Variants in CNTNAP5 observed in about 807,000 individuals in gnomAD.
CNTNAP5 encodes the protein contactin-associated protein-like 5.
Under a neutral mutation model 150.2 loss-of-function variants are expected in CNTNAP5, and 72 were observed. The ratio of observed to expected loss-of-function variants is 0.48; its 90% CI spans 0.40 to 0.58. CNTNAP5 has a LOEUF of 0.58. Ranked by LOEUF, CNTNAP5 falls within the 20% of genes least tolerant of loss-of-function variation. The probability of loss-of-function intolerance (pLI) is 0.00; values close to 1 mark genes in which losing one functional copy is unlikely to be tolerated. For missense variants in CNTNAP5, 1,636 were observed against 1,626.2 expected, an observed-to-expected ratio of 1.01 and a Z score of -0.10; for synonymous variants, 672 against 619.8, an observed-to-expected ratio of 1.08 and a Z score of -1.25.
intron 11 of CNTNAP5, among the ~76,000 whole-genome samples, chr2:124,601,261 C>A (rs768309079): frequency 1.2e-4 from 18 of 152,152 alleles, no homozygotes; most frequent in Non-Finnish European, 1.8e-4. Context: ...CTCTTCAGCT[C>A]CGAGATATTC....
chr2:124,506,635 T>C (rs13026001), intron 8 of CNTNAP5, among the ~76,000 whole-genome samples: 74,660 of 152,060 alleles, frequency 0.49, 18,461 homozygotes, highest in Middle Eastern at 0.59. Flanking sequence ...TGTTTTCTCC[T>C]TCCTTTCCTG....
At chr2:124,393,960 A>T (rs1245709082) in intron 3 of CNTNAP5, among the ~76,000 whole-genome samples, 1 of 152,228 alleles carries the variant, frequency 6.6e-6, no homozygotes, top group Non-Finnish European at 1.5e-5. Context: ...CCAATATTTT[A>T]AAATGTTTTG....
At chr2:124,641,708 C>G (rs531011560) in intron 12 of CNTNAP5, among the ~76,000 whole-genome samples, 2 of 152,298 alleles carry the variant, frequency 1.3e-5, no homozygotes, top group African/African-American at 4.8e-5. Flanking sequence ...AATTGGCACA[C>G]TGTTCAAAGG....
rs563661011 is a variant in CNTNAP5, at chr2:124,439,657, C to A, written c.733+4970C>A. ...CTTGCTCTGGATTGAGAGTCAAGTC[C>A]ATTGAATCACATTGCTTCCTGTCCG... On this transcript the variant is annotated intron_variant, in intron 5 of 23. Coordinates refer to ENST00000682447, the MANE Select transcript of CNTNAP5 (RefSeq NM_001367498.1). Among the ~76,000 whole-genome samples, 17 of 152,192 alleles carry A rather than the reference C, an allele frequency of 1.1e-4. 1 individual carries two copies. The South Asian group carries it at 3.5e-3, about 32-fold the overall frequency.
intron 14 of CNTNAP5, among the ~76,000 whole-genome samples, chr2:124,758,477 G>A (rs1680888188): frequency 1.3e-5 from 2 of 151,972 alleles, no homozygotes; most frequent in South Asian, 2.1e-4. Context: ...CAGCAAAGAA[G>A]GCAAAAGTAA....
intron 19 of CNTNAP5, among the ~76,000 whole-genome samples, chr2:124,813,162 C>T (rs1438864219): frequency 4.6e-5 from 7 of 150,774 alleles, no homozygotes; most frequent in Admixed American, 4.0e-4. Flanking sequence ...CTGCAAGCTC[C>T]ACCTCCTGGG....
At chr2:124,111,914 G>C (rs1197925625) in intron 1 of CNTNAP5, among the ~76,000 whole-genome samples, 1 of 152,118 alleles carries the variant, frequency 6.6e-6, no homozygotes, top group Non-Finnish European at 1.5e-5. Flanking sequence ...TACGGTACTG[G>C]TCCAGTCTTT....
At chr2:124,756,177 A>C (rs1413364347) in intron 14 of CNTNAP5, among the ~76,000 whole-genome samples, 2 of 152,186 alleles carry the variant, frequency 1.3e-5, no homozygotes, top group African/African-American at 4.8e-5. Context: ...TGTCTAAGAA[A>C]AGTCTGTATG....
intron 3 of CNTNAP5, among the ~76,000 whole-genome samples, chr2:124,354,676 G>A (rs1689954790): frequency 6.6e-6 from 1 of 152,104 alleles, no homozygotes; most frequent in Admixed American, 6.6e-5. Flanking sequence ...TTTATCTTAT[G>A]AAACACGTAT....
intron 19 of CNTNAP5, among the ~76,000 whole-genome samples, chr2:124,822,602 T>TA (rs1314897126): frequency 6.6e-6 from 1 of 152,136 alleles, no homozygotes. Flanking sequence ...TTAAATAAAG[T>TA]AAAAAAACAA....
chr2:124,086,270 C>CTTTGTTTTTAAAAGTTTAATTATG (rs1558750250), intron 1 of CNTNAP5, among the ~76,000 whole-genome samples: 11 of 138,884 alleles, frequency 7.9e-5, no homozygotes, highest in African/African-American at 3.1e-4. Flanking sequence ...CATCTCGGCT[C>CTTTGTTTTTAAAAGTTTAATTATG]ATTGCAAGCT....
chr2:124,166,263 A>C (rs1240043675), intron 1 of CNTNAP5, among the ~76,000 whole-genome samples: 1 of 152,162 alleles, frequency 6.6e-6, no homozygotes, highest in Non-Finnish European at 1.5e-5. Flanking sequence ...TGTTTTGTTT[A>C]AAACGAATGG....
At chr2:124,270,902 C>T (rs1687731644) in intron 3 of CNTNAP5, among the ~76,000 whole-genome samples, 1 of 152,276 alleles carries the variant, frequency 6.6e-6, no homozygotes, top group East Asian at 1.9e-4. Flanking sequence ...ACACTACGTG[C>T]CCCCATGTTG....
intron 3 of CNTNAP5, among the ~76,000 whole-genome samples, chr2:124,399,546 G>A (rs943007468): frequency 2.6e-5 from 4 of 151,886 alleles, no homozygotes; most frequent in Admixed American, 2.6e-4. Flanking sequence ...AAAGCTCTGG[G>A]GAGGAAATAA....
At chr2:124,361,725 G>A (rs1441064200) in intron 3 of CNTNAP5, among the ~76,000 whole-genome samples, 49 of 151,156 alleles carry the variant, frequency 3.2e-4, no homozygotes, top group Middle Eastern at 3.4e-3. Context: ...TGTCAGACAG[G>A]GACATTTAAG....
rs1311860204 is a variant in CNTNAP5 at position 124,214,344 on chromosome 2, G to T, written c.83-7361G>T. Reference sequence around the variant, plus strand: ...CTGGAAGGAATCCCAGAGCCCTCTTGTTAGCCCTGGACAGCACTAACCCCC... The same window carrying T: ...CTGGAAGGAATCCCAGAGCCCTCTTTTTAGCCCTGGACAGCACTAACCCCC... On this transcript the variant is annotated intron_variant, in intron 1 of 23. Coordinates refer to ENST00000682447, the MANE Select transcript of CNTNAP5 (RefSeq NM_001367498.1). Among the ~76,000 whole-genome samples the T allele has an allele frequency of 2.6e-5, 4 of 152,174 alleles. No homozygotes were observed. The East Asian group carries it at 7.7e-4, about 29-fold the overall frequency.
chr2:124,641,670 T>C (rs528461079), intron 12 of CNTNAP5, among the ~76,000 whole-genome samples: 1 of 152,284 alleles, frequency 6.6e-6, no homozygotes, highest in Non-Finnish European at 1.5e-5. Flanking sequence ...TAATATAGAC[T>C]TGCTCTATTA....
At chr2:124,109,231 G>C (rs17010848) in intron 1 of CNTNAP5, among the ~76,000 whole-genome samples, 9,366 of 152,198 alleles carry the variant, frequency 0.062, 403 homozygotes, top group East Asian at 0.19. Context: ...ACACACTGAG[G>C]CCTCAAACCC....
chr2:124,805,713 C>T (rs879684000), intron 19 of CNTNAP5, among the ~76,000 whole-genome samples: 2 of 152,186 alleles, frequency 1.3e-5, no homozygotes, highest in Non-Finnish European at 2.9e-5. Flanking sequence ...TAAACAACAA[C>T]AATTTATTTT....
Sources: allele counts gnomAD v4.1 joint callset (sites outside exome capture counted in the v4.1 genomes callset), GRCh38; gene constraint gnomAD v4.1.1; transcripts MANE v1.5; gene names NCBI Gene and HGNC (gene_info 2026-07-23, HGNC 2026-07-21).